Variants in ATAD2B observed in about 807,000 individuals in gnomAD.
ATAD2B encodes ATPase family AAA domain containing 2B.
In ATAD2B, 40 loss-of-function variants were observed where a neutral mutation model predicts 167.6. The ratio of observed to expected loss-of-function variants is 0.24; its 90% CI spans 0.19 to 0.31. ATAD2B has a LOEUF of 0.31. Ranked by LOEUF, ATAD2B falls within the 10% of genes least tolerant of loss-of-function variation. The probability of loss-of-function intolerance (pLI) is 1.00; values close to 1 mark genes in which losing one functional copy is unlikely to be tolerated. For synonymous variants in ATAD2B, 579 were observed against 596.5 expected (o/e 0.97, Z 0.43); for missense variants, 1,242 against 1,757.2 (o/e 0.71, Z 5.24).
At chr2:23,864,775 A>G (rs1291912773) in intron 11 of ATAD2B, 34 bp downstream of exon 11, 4 of 997,174 alleles carry the variant, frequency 4.0e-6, no homozygotes, top group Non-Finnish European at 6.0e-6. Context: ...AAGTAACAGT[A>G]ATAACAATAA....
intron 2 of ATAD2B, among the ~76,000 whole-genome samples, chr2:23,892,823 C>T (rs1454266858): frequency 6.6e-6 from 1 of 151,884 alleles, no homozygotes; most frequent in East Asian, 1.9e-4. Context: ...TTAGAGTATG[C>T]GTATTATTCT....
chr2:23,701,671 CCACT>C, the ATAD2B span, among the ~76,000 whole-genome samples: 98,810 of 151,552 alleles, frequency 0.65, 33,033 homozygotes, highest in East Asian at 0.84. Flanking sequence ...CATAATCATG[CCACT>C]CACTGCATTC....
At chr2:23,814,349 G>A (rs1044157717) in intron 17 of ATAD2B, among the ~76,000 whole-genome samples, 3 of 152,162 alleles carry the variant, frequency 2.0e-5, no homozygotes, top group African/African-American at 7.2e-5. Context: ...TTATCATAGA[G>A]CTCATAACTG....
chr2:23,808,632 A>C (rs1167235247), intron 18 of ATAD2B, among the ~76,000 whole-genome samples: 1 of 152,136 alleles, frequency 6.6e-6, no homozygotes, highest in Non-Finnish European at 1.5e-5. Context: ...ATTGTCTTAC[A>C]TCATTTTTTA....
chr2:23,795,476 T>C (rs947483071), intron 19 of ATAD2B, among the ~76,000 whole-genome samples: 2 of 152,194 alleles, frequency 1.3e-5, no homozygotes, highest in African/African-American at 4.8e-5. Flanking sequence ...TCTGGCAACT[T>C]GCTAACCTAC....
the ATAD2B span, among the ~76,000 whole-genome samples, chr2:23,738,017 C>T: frequency 8.1e-4 from 123 of 152,156 alleles, no homozygotes; most frequent in Non-Finnish European, 1.1e-3. Flanking sequence ...TAAAAAGAAA[C>T]GAACAAAGCC....
At chr2:23,801,506 G>GA (rs200056888) in intron 18 of ATAD2B, among the ~76,000 whole-genome samples, 213 of 139,514 alleles carry the variant, frequency 1.5e-3, no homozygotes, top group Admixed American at 5.3e-3. Flanking sequence ...AACTGTTATA[G>GA]AAAAAAAAAA....
intron 1 of ATAD2B, among the ~76,000 whole-genome samples, chr2:23,905,500 G>T (rs1701363507): frequency 6.6e-6 from 1 of 152,006 alleles, no homozygotes; most frequent in Non-Finnish European, 1.5e-5. Context: ...CTCCAGCTTG[G>T]GTGACACAGT....
intron 13 of ATAD2B, among the ~76,000 whole-genome samples, chr2:23,835,360 A>G (rs145121690): frequency 4.1e-4 from 62 of 152,374 alleles, no homozygotes; most frequent in Middle Eastern, 3.4e-3. Flanking sequence ...CAACAGCTAC[A>G]ACAACATGGA....
At chr2:23,774,997 C>T (rs1678868901) in intron 22 of ATAD2B, among the ~76,000 whole-genome samples, 1 of 152,140 alleles carries the variant, frequency 6.6e-6, no homozygotes, top group African/African-American at 2.4e-5. Context: ...GATGCCTATA[C>T]AGATCCTGTT....
intron 13 of ATAD2B, among the ~76,000 whole-genome samples, chr2:23,850,755 C>T (rs1031124248): frequency 6.6e-6 from 1 of 152,184 alleles, no homozygotes; most frequent in African/African-American, 2.4e-5. Flanking sequence ...TGTCATTACA[C>T]ATTTGTTGAA....
chr2:23,845,705 G>A (rs370180610), intron 13 of ATAD2B, among the ~76,000 whole-genome samples: 5 of 146,184 alleles, frequency 3.4e-5, no homozygotes, highest in East Asian at 2.1e-4. Context: ...TCAACCTCCC[G>A]AGTAGCTGAG....
Position 23,750,052 on chromosome 2 carries a change from C to T in ATAD2B, c.*1994G>A, listed in dbSNP as rs573896618. The T allele has an allele frequency of 1.3e-5, 2 of 152,130 alleles. No homozygotes were observed. The highest frequency in any genetic ancestry group is 3.9e-4 in the East Asian group (2 of 5,184). 9.4% of individuals were successfully genotyped at this position (152,130 alleles called of 1,614,324 possible). The stretch of plus-strand genomic sequence containing the variant: ...AATCTTTAAATTCTGTAACAATTTC[C>T]ATCAAAATACAAAATGCTAATGTAT... On this transcript the variant is annotated 3_prime_UTR_variant, in exon 28 of 28. Transcript: ENST00000238789.
At position 23,857,302 on chromosome 2, in the gene ATAD2B, C is replaced by T. The variant is rs1693579269; in HGVS notation, c.1568+113G>A. ...GAGAAAGAAGTAGTCCTCACAGACA[C>T]AGATTGTTTTAAATTTCTTTGTAAG... On this transcript the variant is annotated intron_variant, in intron 13 of 27. Coordinates refer to ENST00000238789, the MANE Select transcript of ATAD2B (RefSeq NM_017552.4). 1.2e-5 allele frequency: 7 copies of T among 581,826 alleles called. No homozygotes were observed. In the East Asian group the frequency reaches 2.5e-4, roughly 21 times the overall value. The allele number at this position is 581,826 out of a possible 1,614,324, so 36.0% of individuals were successfully genotyped here. A position where few individuals can be genotyped will look rare whatever the true frequency, so the allele number is the denominator to read the frequency against.
At chr2:23,799,653 T>C (rs1242279377) in intron 18 of ATAD2B, among the ~76,000 whole-genome samples, 1 of 151,692 alleles carries the variant, frequency 6.6e-6, no homozygotes, top group African/African-American at 2.4e-5. Flanking sequence ...GAATCAAGTA[T>C]TATTTTTCTT....
chr2:23,926,976 G>T lies in ATAD2B; in HGVS notation c.-206C>A. The T allele has an allele frequency of 1.7e-6, 1 of 591,384 alleles. No individual in the cohort carries two copies. Among genetic ancestry groups the T allele is most frequent in the South Asian group, 2.5e-5 (1 of 40,698 alleles). 36.6% of individuals were successfully genotyped at this position (591,384 alleles called of 1,614,324 possible). On this transcript the variant is annotated 5_prime_UTR_variant, in exon 1 of 28. Coordinates refer to ENST00000238789, the MANE Select transcript of ATAD2B (RefSeq NM_017552.4). ...AGCAGGCGGCGTGCGGGAAGCGGGG[G>T]CGGTGCTGCAGACCGGCAGCACAGA...
intron 19 of ATAD2B, among the ~76,000 whole-genome samples, chr2:23,795,813 T>C (rs1005225784): frequency 1.3e-5 from 2 of 150,542 alleles, no homozygotes; most frequent in African/African-American, 4.9e-5. Context: ...TGGGAGATGG[T>C]GGTTGCAGTG....
intron 6 of ATAD2B, among the ~76,000 whole-genome samples, chr2:23,882,776 C>T (rs1295337278): frequency 1.3e-5 from 2 of 151,662 alleles, no homozygotes; most frequent in Non-Finnish European, 2.9e-5. Flanking sequence ...CACCACTGCA[C>T]TCCAGCCTGG....
At chr2:23,845,535 A>G (rs1185035221) in intron 13 of ATAD2B, among the ~76,000 whole-genome samples, 1 of 151,100 alleles carries the variant, frequency 6.6e-6, no homozygotes, top group Admixed American at 6.6e-5. Context: ...GGCTGTGGGC[A>G]GGAAAAGGAA....
Sources: allele counts gnomAD v4.1 joint callset (sites outside exome capture counted in the v4.1 genomes callset), GRCh38; gene constraint gnomAD v4.1.1; transcripts MANE v1.5; gene names NCBI Gene and HGNC (gene_info 2026-07-23, HGNC 2026-07-21).